The following HDAC9 variants were observed in gnomAD, a reference collection of about 807,000 sequenced individuals.
HDAC9 encodes MEF-2 interacting transcription repressor (MITR) protein.
Under a neutral mutation model 139.4 loss-of-function variants are expected in HDAC9, and 41 were observed. The observed-to-expected ratio is 0.29, with a 90% CI of 0.23 to 0.38. HDAC9 has a LOEUF of 0.38. Ranked by LOEUF, HDAC9 falls within the 10% of genes least tolerant of loss-of-function variation. The probability of loss-of-function intolerance (pLI) is 1.00; values close to 1 mark genes in which losing one functional copy is unlikely to be tolerated. For synonymous variants in HDAC9, 517 were observed against 476.2 expected, an observed-to-expected ratio of 1.09 and a Z score of -1.12; for missense variants, 1,147 against 1,297.0, an observed-to-expected ratio of 0.88 and a Z score of 1.78.
chr7:18,564,566 A>T (rs1821663184), intron 2 of HDAC9, among the ~76,000 whole-genome samples: 1 of 152,236 alleles, frequency 6.6e-6, no homozygotes, highest in South Asian at 2.1e-4. Context: ...CAAAAACAGG[A>T]TAGAAGATGT....
At chr7:18,553,717 G>T (rs1022955335) in intron 2 of HDAC9, among the ~76,000 whole-genome samples, 3 of 152,140 alleles carry the variant, frequency 2.0e-5, no homozygotes, top group African/African-American at 4.8e-5. Context: ...AAGCTGATTT[G>T]TTTTCTTTGC....
intron 25 of HDAC9, among the ~76,000 whole-genome samples, chr7:18,995,711 T>G (rs1318286061): frequency 6.6e-6 from 1 of 152,148 alleles, no homozygotes; most frequent in Non-Finnish European, 1.5e-5. Flanking sequence ...TAAAATATCA[T>G]AGTTAATTTT....
intron 2 of HDAC9, among the ~76,000 whole-genome samples, chr7:18,520,164 A>G (rs1432435239): frequency 6.6e-6 from 1 of 152,174 alleles, no homozygotes; most frequent in Non-Finnish European, 1.5e-5. Flanking sequence ...AAGTATTAAT[A>G]AGTTTACTTC....
At chr7:18,945,118 T>C (rs1380306211) in intron 23 of HDAC9, among the ~76,000 whole-genome samples, 1 of 152,226 alleles carries the variant, frequency 6.6e-6, no homozygotes, top group African/African-American at 2.4e-5. Flanking sequence ...GTGTTTTCCA[T>C]AGTGGCAGTT....
At position 18,767,099 on chromosome 7, in the gene HDAC9, T is replaced by C. The variant is rs1562926648; in HGVS notation, c.2165-7T>C. On this transcript the variant is annotated splice_region_variant and splice_polypyrimidine_tract_variant and intron_variant, in intron 15 of 25. Transcript: ENST00000686413. ...ATCTATATTTTTTATGTCTTCTTACTGTATAGGTGATGACTCTCAAAAGTT... is the reference window on the plus strand; with the variant it reads ...ATCTATATTTTTTATGTCTTCTTACCGTATAGGTGATGACTCTCAAAAGTT... The C allele has an allele frequency of 1.4e-6, 2 of 1,476,038 alleles. No individual in the cohort carries two copies. Among genetic ancestry groups the C allele is most frequent in the Middle Eastern group, 3.5e-4 (2 of 5,688 alleles). The allele number at this position is 1,476,038 out of a possible 1,614,324, so 91.4% of individuals were successfully genotyped here.
chr7:18,780,558 A>G (rs539204742), intron 16 of HDAC9, among the ~76,000 whole-genome samples: 1 of 152,140 alleles, frequency 6.6e-6, no homozygotes, highest in East Asian at 1.9e-4. Flanking sequence ...GGAAGCACCC[A>G]ATGCTGGCAA....
At chr7:18,345,272 A>G (rs971002019) in intron 1 of HDAC9, among the ~76,000 whole-genome samples, 2 of 152,064 alleles carry the variant, frequency 1.3e-5, no homozygotes. Flanking sequence ...AAAATGAAAC[A>G]TTAGAATGTA....
intron 21 of HDAC9, among the ~76,000 whole-genome samples, chr7:18,857,719 G>A (rs1797795919): frequency 6.6e-6 from 1 of 152,028 alleles, no homozygotes; most frequent in African/African-American, 2.4e-5. Context: ...CTAGCACTTG[G>A]CACCTTGGCA....
chr7:18,438,742 G>A (rs1791465971), intron 1 of HDAC9, among the ~76,000 whole-genome samples: 1 of 151,678 alleles, frequency 6.6e-6, no homozygotes, highest in African/African-American at 2.4e-5. Context: ...AAAGGGATCT[G>A]GAAAGATATA....
intron 12 of HDAC9, among the ~76,000 whole-genome samples, chr7:18,719,331 CTTTTTT>C (rs757689693): frequency 1.2e-3 from 89 of 73,912 alleles, no homozygotes; most frequent in African/African-American, 3.1e-3. Flanking sequence ...TTTTCTCTTC[CTTTTTT>C]TTTTTTTTTT....
At chr7:18,797,969 G>T (rs953485620) in intron 17 of HDAC9, among the ~76,000 whole-genome samples, 5 of 148,354 alleles carry the variant, frequency 3.4e-5, no homozygotes, top group South Asian at 2.1e-4. Flanking sequence ...TCCATGTGGA[G>T]ATATATATAT....
At chr7:18,255,341 G>A (rs1344876690) in intron 2 of HDAC9, among the ~76,000 whole-genome samples, 4 of 152,240 alleles carry the variant, frequency 2.6e-5, no homozygotes, top group South Asian at 2.1e-4. Flanking sequence ...TTGGAGAGCC[G>A]GGCAAGACAA....
chr7:18,213,088 A>C (rs1792062836), intron 2 of HDAC9, among the ~76,000 whole-genome samples: 2 of 152,212 alleles, frequency 1.3e-5, no homozygotes, highest in South Asian at 4.1e-4. Flanking sequence ...GTTTGTTGAG[A>C]ACAGCCACTT....
At chr7:18,640,156 G>A (rs1284610697) in intron 8 of HDAC9, among the ~76,000 whole-genome samples, 2 of 151,412 alleles carry the variant, frequency 1.3e-5, no homozygotes, top group African/African-American at 2.4e-5. Context: ...TCAGCAATTC[G>A]GGAGGCTGAG....
intron 22 of HDAC9, among the ~76,000 whole-genome samples, chr7:18,880,102 A>G (rs537139225): frequency 1.3e-5 from 2 of 152,324 alleles, no homozygotes; most frequent in African/African-American, 4.8e-5. Context: ...CAAAGCCACA[A>G]TGAGATACCA....
At position 18,875,800 on chromosome 7, in the gene HDAC9, A is replaced by G. The variant is rs557385033; in HGVS notation, c.2803+1204A>G. ...CAACTCAATGGAAGTCAGTCTTTCC[A>G]TCGCAGATAAACCTCACTTGTGGGT... On this transcript the variant is annotated intron_variant, in intron 22 of 25. Transcript: ENST00000686413. 3.9e-5 allele frequency among the ~76,000 whole-genome samples: 6 copies of G among 152,290 alleles called. No individual in the cohort carries two copies. The South Asian group carries it at 6.2e-4, about 16-fold the overall frequency.
At chr7:18,532,263 C>A (rs1011389699) in intron 2 of HDAC9, among the ~76,000 whole-genome samples, 5 of 152,058 alleles carry the variant, frequency 3.3e-5, no homozygotes, top group South Asian at 2.1e-4. Flanking sequence ...CAACAAAAAA[C>A]CAAAACAAAC....
At chr7:18,539,679 G>C (rs1439245370) in intron 2 of HDAC9, among the ~76,000 whole-genome samples, 1 of 152,046 alleles carries the variant, frequency 6.6e-6, no homozygotes, top group African/African-American at 2.4e-5. Context: ...TGTTGTTGTT[G>C]TTGTTGTTGT....
chr7:18,230,389 G>A (rs530978615), intron 2 of HDAC9, among the ~76,000 whole-genome samples: 2 of 152,320 alleles, frequency 1.3e-5, no homozygotes, highest in East Asian at 3.9e-4. Context: ...CACGAAGCTA[G>A]CCCTTATAGA....
Sources: allele counts gnomAD v4.1 joint callset (sites outside exome capture counted in the v4.1 genomes callset), GRCh38; gene constraint gnomAD v4.1.1; transcripts MANE v1.5; gene names NCBI Gene and HGNC (gene_info 2026-07-23, HGNC 2026-07-21).